The following PDE9A variants were observed in gnomAD, a reference collection of about 807,000 sequenced individuals.
PDE9A encodes high affinity cGMP-specific 3',5'-cyclic phosphodiesterase 9A.
A neutral mutation model predicts 87.4 loss-of-function variants in PDE9A; 60 were observed. The observed-to-expected ratio is 0.69, with a 90% confidence interval of 0.56 to 0.85. The LOEUF (loss-of-function observed/expected upper bound fraction) is 0.85, where lower values mean the gene tolerates loss of function less well. Among genes scored for constraint, PDE9A ranks in the 40% least tolerant of loss-of-function variants. The pLI, the probability that PDE9A is intolerant of heterozygous loss-of-function variation, is 0.00. For missense variants in PDE9A, 665 were observed against 779.0 expected (o/e 0.85, Z 1.74); for synonymous variants, 272 against 279.4 (o/e 0.97, Z 0.27).
At chr21:42,765,213 G>A (rs946893660) in intron 14 of PDE9A, among the ~76,000 whole-genome samples, 168 bp from the exon 15 acceptor site, 3 of 152,220 alleles carry the variant, frequency 2.0e-5, no homozygotes, top group Non-Finnish European at 4.4e-5. Context: ...TGGGTTTTTG[G>A]GTGGGCAGAT....
chr21:42,765,922 C>T (rs1218607340), intron 15 of PDE9A, among the ~76,000 whole-genome samples: 1 of 152,212 alleles, frequency 6.6e-6, no homozygotes, highest in African/African-American at 2.4e-5. Context: ...TAGCCCAGCA[C>T]CCCTCCATAA....
In PDE9A at chr21:42,770,803, AAC is replaced by A; in HGVS notation, c.1686+10_1686+11del. ...ATAGATGACGCCATGAAAGAGGTAAAACACACTGAGAAGAGCCTGCCTTCCTT... is the reference window on the plus strand; with the variant it reads ...ATAGATGACGCCATGAAAGAGGTAAAACACTGAGAAGAGCCTGCCTTCCTT... On this transcript the variant is annotated splice_donor_region_variant and intron_variant, in intron 18 of 19. Transcript: ENST00000291539. 5 of 1,608,718 alleles carry A rather than the reference AAC, an allele frequency of 3.1e-6. No individual in the cohort carries two copies. Among genetic ancestry groups the A allele is most frequent in the Non-Finnish European group, 4.3e-6 (5 of 1,175,146 alleles).
chr21:42,770,679 A>C, intron 17 of PDE9A, 24 bp from the exon 18 acceptor site: 2 of 1,581,954 alleles, frequency 1.3e-6, no homozygotes, highest in Non-Finnish European at 1.7e-6. Context: ...AGGGACTCTG[A>C]ATAAATCCGT....
At chr21:42,726,721 A>C (rs1285949237) in intron 4 of PDE9A, among the ~76,000 whole-genome samples, 1 of 143,678 alleles carries the variant, frequency 7.0e-6, no homozygotes, top group Non-Finnish European at 1.5e-5. Flanking sequence ...TCGACCTCCC[A>C]AAGTGCTGGG....
intron 14 of PDE9A, among the ~76,000 whole-genome samples, chr21:42,763,615 G>A (rs949286406): frequency 6.6e-6 from 1 of 152,172 alleles, no homozygotes; most frequent in Admixed American, 6.5e-5. Flanking sequence ...GTTTTAAGCC[G>A]CCTAGTTTGT....
At position 42,704,541 on chromosome 21, in the gene PDE9A, C is replaced by T. The variant is rs2146380915; in HGVS notation, c.262+5530C>T. 6.6e-6 allele frequency among the ~76,000 whole-genome samples: 1 copy of T among 152,232 alleles called. No homozygotes were observed. Among genetic ancestry groups the T allele is most frequent in the Middle Eastern group, 3.4e-3 (1 of 294 alleles). On this transcript the variant is annotated intron_variant, in intron 4 of 19. Transcript: ENST00000291539. The surrounding 1 kb of genome is among the most constrained non-coding windows in gnomAD (Gnocchi z 5.3). ...TTTGTCCTTAGGAATTCTTCACTCT[C>T]TCTATGGCAACAACCTTCCCTCTCC... is the stretch of plus-strand genomic sequence containing the variant.
chr21:42,751,196 A>G lies in PDE9A; in HGVS notation c.734A>G (p.Lys245Arg). 1 of 1,602,226 alleles carries G rather than the reference A, an allele frequency of 6.2e-7. No homozygotes were observed. Among genetic ancestry groups the G allele is most frequent in the Non-Finnish European group, 8.6e-7 (1 of 1,169,354 alleles). Residue 245 changes from lysine (K) to arginine (R), a missense_variant and splice_region_variant, in exon 9 of 20, where the codon AAG becomes AGG. Coordinates refer to ENST00000291539, the MANE Select transcript of PDE9A (RefSeq NM_002606.3). The part of the protein sequence containing the change: ...TPRRDVPTYP[K>R]YLLSPETIEA... The stretch of plus-strand genomic sequence containing the variant: ...CGACGCGATGTTCCCACTTACCCCA[A>G]GGTAAGATGAGATTCCGGCCCAGAA...
At chr21:42,746,928 G>A (rs1429921363) in intron 8 of PDE9A, among the ~76,000 whole-genome samples, 1 of 152,180 alleles carries the variant, frequency 6.6e-6, no homozygotes, top group African/African-American at 2.4e-5. Context: ...CGACGTTCTC[G>A]GCTGACAGCT....
At position 42,653,749 on chromosome 21, in the gene PDE9A, G is replaced by T; in HGVS notation, c.-66G>T. On this transcript the variant is annotated 5_prime_UTR_variant, in exon 1 of 20. Coordinates refer to ENST00000291539, the MANE Select transcript of PDE9A (RefSeq NM_002606.3). ...GCCCCCTCCCCTGCTCCCCTCCCCCGCCTCCCGCGGCGGCTGGCGTCGGGA... is the reference window on the plus strand; with the variant it reads ...GCCCCCTCCCCTGCTCCCCTCCCCCTCCTCCCGCGGCGGCTGGCGTCGGGA... The T allele has an allele frequency of 3.0e-6, 1 of 335,830 alleles. No individual in the cohort carries two copies. Among genetic ancestry groups the T allele is most frequent in the Non-Finnish European group, 4.8e-6 (1 of 209,064 alleles). The allele number at this position is 335,830 out of a possible 1,614,324, so 20.8% of individuals were successfully genotyped here. A position where few individuals can be genotyped will look rare whatever the true frequency, so the allele number is the denominator to read the frequency against.
Position 42,768,229 on chromosome 21 carries a change from G to C in PDE9A, c.1398G>C (p.Glu466Asp). The change falls in exon 16 of 20, where the codon GAG becomes GAC. Residue 466 changes from glutamate to aspartate, a missense_variant. Glu to Asp is a conservative substitution (Grantham distance 45, BLOSUM62 2). Transcript: ENST00000291539. ...ILIKCCDISN[E>D]VRPMEVAEPW... ...TAAAATGCTGTGATATCTCTAACGA[G>C]GTCCGTCCAATGGAAGTCGCAGAGC... 6.2e-7 allele frequency: 1 copy of C among 1,611,672 alleles called. No individual in the cohort carries two copies. The highest frequency in any genetic ancestry group is 8.5e-7 in the Non-Finnish European group (1 of 1,177,640).
At chr21:42,669,182 G>A (rs750107237) in intron 1 of PDE9A, among the ~76,000 whole-genome samples, 1 of 152,176 alleles carries the variant, frequency 6.6e-6, no homozygotes, top group Non-Finnish European at 1.5e-5. Flanking sequence ...TCTGGAGGAT[G>A]GAGTCCAAAA....
chr21:42,719,401 G>A lies in PDE9A; in HGVS notation c.263-12369G>A, dbSNP rs567362791. Among the ~76,000 whole-genome samples the A allele has an allele frequency of 3.2e-4, 49 of 151,800 alleles. 1 individual carries two copies. In the South Asian group the frequency reaches 7.2e-3, roughly 22 times the overall value. On this transcript the variant is annotated intron_variant, in intron 4 of 19. Transcript: ENST00000291539. Reference sequence around the variant, plus strand: ...TGACATCTCAGCACTTTGGGAGGCCGAGGTGGGTGGATCAACTGAGGTCAG... The same window carrying A: ...TGACATCTCAGCACTTTGGGAGGCCAAGGTGGGTGGATCAACTGAGGTCAG...
intron 19 of PDE9A, among the ~76,000 whole-genome samples, chr21:42,773,944 AT>A (rs2057287673): frequency 6.7e-6 from 1 of 149,786 alleles, no homozygotes; most frequent in South Asian, 2.1e-4. Context: ...TCTACTAAAA[AT>A]ACAAAAAAAA....
chr21:42,739,223 G>A lies in PDE9A; in HGVS notation c.569-4553G>A, dbSNP rs2146825609. On this transcript the variant is annotated intron_variant, in intron 7 of 19. Transcript: ENST00000291539. The surrounding 1 kb of genome is among the most constrained non-coding windows in gnomAD (Gnocchi z 4.1). ...GCAGAGGAGCGGGCCATGATGGGCA[G>A]AGCCGACGTCCAGGCTCCACGGTAG... Among the ~76,000 whole-genome samples, 1 of 152,366 alleles carries A rather than the reference G, an allele frequency of 6.6e-6. No individual in the cohort carries two copies. Among genetic ancestry groups the A allele is most frequent in the South Asian group, 2.1e-4 (1 of 4,834 alleles).
In PDE9A at chr21:42,694,221, G is replaced by C. The variant is rs116881918; in HGVS notation, c.219-4747G>C. Among the ~76,000 whole-genome samples, 3,361 of 152,258 alleles carry C rather than the reference G, an allele frequency of 0.022. 63 individuals carry two copies. Among genetic ancestry groups the C allele is most frequent in the Non-Finnish European group, 0.033 (2,271 of 68,012 alleles). On this transcript the variant is annotated intron_variant, in intron 3 of 19. Transcript: ENST00000291539. This position sits in a 1 kb window ranked among gnomAD's most constrained non-coding sequence, Gnocchi z 5.3. The stretch of plus-strand genomic sequence containing the variant: ...TGGTTGGTTGGTTGGTGGGTTGGTT[G>C]GGTTGTGTCTCTCTTTAACTTCCTC...
chr21:42,767,160 G>A (rs945001931), intron 15 of PDE9A, among the ~76,000 whole-genome samples: 25 of 152,148 alleles, frequency 1.6e-4, no homozygotes, highest in African/African-American at 6.0e-4. Context: ...TTGGGGTAAG[G>A]TCTCGGGGGA....
Position 42,696,714 on chromosome 21 carries a change from C to A in PDE9A, c.219-2254C>A, listed in dbSNP as rs1383696074. ...AACCCTGGCACGGGTCCTCACTGGC[C>A]ACACTGAGGCCATCAGCAAAGCACC... is the stretch of plus-strand genomic sequence containing the variant. On this transcript the variant is annotated intron_variant, in intron 3 of 19. Transcript: ENST00000291539. The surrounding 1 kb of genome is among the most constrained non-coding windows in gnomAD (Gnocchi z 5.1). Among the ~76,000 whole-genome samples, 2 of 152,134 alleles carry A rather than the reference C, an allele frequency of 1.3e-5. No individual in the cohort carries two copies. Among genetic ancestry groups the A allele is most frequent in the Non-Finnish European group, 2.9e-5 (2 of 68,038 alleles).
intron 8 of PDE9A, among the ~76,000 whole-genome samples, chr21:42,748,389 C>T (rs2054086933): frequency 6.6e-6 from 1 of 152,150 alleles, no homozygotes; most frequent in African/African-American, 2.4e-5. Flanking sequence ...GTGGTAGCAA[C>T]TCTGATGGGT....
intron 19 of PDE9A, among the ~76,000 whole-genome samples, chr21:42,774,086 AT>A (rs1440637127): frequency 6.6e-6 from 1 of 152,164 alleles, no homozygotes; most frequent in African/African-American, 2.4e-5. Context: ...CTCAAAAAAA[AT>A]ATAAATAAAT....
Sources: allele counts gnomAD v4.1 joint callset (sites outside exome capture counted in the v4.1 genomes callset), GRCh38; gene constraint gnomAD v4.1.1; non-coding constraint Gnocchi (gnomAD v3.1); transcripts MANE v1.5; gene names NCBI Gene and HGNC (gene_info 2026-07-23, HGNC 2026-07-21).